Variants in RABGAP1L observed in about 807,000 individuals in gnomAD.
RABGAP1L encodes rab GTPase-activating protein 1-like.
In RABGAP1L, 63 loss-of-function variants were observed where a neutral mutation model predicts 137.7. The ratio of observed to expected loss-of-function variants is 0.46; its 90% CI spans 0.37 to 0.56. The LOEUF is 0.56. RABGAP1L is among the 20% of genes least tolerant of loss of function. The probability of loss-of-function intolerance (pLI) is 0.00; values close to 1 mark genes in which losing one functional copy is unlikely to be tolerated. For synonymous variants in RABGAP1L, 431 were observed against 433.7 expected (o/e 0.99, Z 0.08); for missense variants, 1,095 against 1,244.0 (o/e 0.88, Z 1.80).
intron 13 of RABGAP1L, among the ~76,000 whole-genome samples, chr1:174,555,993 C>CTTTT (rs367653521): frequency 6.1e-5 from 7 of 115,466 alleles, no homozygotes; most frequent in Non-Finnish European, 9.0e-5. Context: ...GTTCGTTTGC[C>CTTTT]TTTTTTTTTT....
Position 174,278,759 on chromosome 1 carries a change from T to G in RABGAP1L, c.1303T>G (p.Phe435Val). Residue 435 changes from phenylalanine to valine, a missense_variant, in exon 10 of 26, where the codon TTC (phenylalanine) becomes GTC (valine). Physicochemically the swap from Phe to Val is conservative, Grantham distance 50. Transcript: ENST00000681986. Reference sequence around the variant, plus strand: ...CAGCAGAAAGACTTTCACAGAGACTTTCTTCATGAGATTGAAACAGGTAGG... The same window carrying G: ...CAGCAGAAAGACTTTCACAGAGACTGTCTTCATGAGATTGAAACAGGTAGG... The part of the protein sequence containing the change: ...YFSRKTFTET[F>V]FMRLKQSEGK... 1 of 1,573,468 alleles carries G rather than the reference T, an allele frequency of 6.4e-7. No individual in the cohort carries two copies. The highest frequency in any genetic ancestry group is 8.6e-7 in the Non-Finnish European group (1 of 1,165,562).
intron 10 of RABGAP1L, among the ~76,000 whole-genome samples, chr1:174,284,118 G>A (rs1675833605): frequency 6.6e-6 from 1 of 152,140 alleles, no homozygotes; most frequent in Admixed American, 6.5e-5. Context: ...TTGTGTGTGT[G>A]TAGAACACTT....
intron 13 of RABGAP1L, among the ~76,000 whole-genome samples, chr1:174,500,080 C>CTTTTT (rs1314254264): frequency 1.5e-5 from 2 of 135,576 alleles, no homozygotes; most frequent in African/African-American, 5.4e-5. Flanking sequence ...CAGGCTTCTT[C>CTTTTT]TTTTTTTTTT....
chr1:174,688,294 CAA>C (rs1476577569), intron 15 of RABGAP1L, among the ~76,000 whole-genome samples: 1 of 151,946 alleles, frequency 6.6e-6, no homozygotes, highest in East Asian at 1.9e-4. Flanking sequence ...TTTATTGTTA[CAA>C]GTTTTAAATT....
At chr1:174,866,991 G>T (rs910010068) in intron 19 of RABGAP1L, among the ~76,000 whole-genome samples, 1 of 152,000 alleles carries the variant, frequency 6.6e-6, no homozygotes, top group Non-Finnish European at 1.5e-5. Flanking sequence ...TGGAAACTGA[G>T]GTGGGAGGAT....
intron 17 of RABGAP1L, among the ~76,000 whole-genome samples, chr1:174,741,855 CAAAAAAAAA>C (rs775821774): frequency 1.4e-4 from 6 of 41,898 alleles, no homozygotes; most frequent in Admixed American, 3.8e-4. Flanking sequence ...CCTATTTCTA[CAAAAAAAAA>C]AAAAAAAAAA....
chr1:174,761,424 A>G lies in RABGAP1L; in HGVS notation c.2211+9070A>G, dbSNP rs1428434270. On this transcript the variant is annotated intron_variant, in intron 18 of 25. Coordinates refer to ENST00000681986, the MANE Select transcript of RABGAP1L (RefSeq NM_001366446.1). The surrounding 1 kb of genome is among the most constrained non-coding windows in gnomAD (Gnocchi z 4.0). ...CCCAGAGGGTGGCACGGCCAGGCAG[A>G]GGCGCTCCTCAGTTTTCAGACGGTG... 3.3e-5 allele frequency among the ~76,000 whole-genome samples: 5 copies of G among 151,746 alleles called. No homozygotes were observed. The highest frequency in any genetic ancestry group is 1.2e-4 in the African/African-American group (5 of 41,264).
intron 19 of RABGAP1L, among the ~76,000 whole-genome samples, chr1:174,921,715 A>G (rs1661842762): frequency 6.6e-6 from 1 of 152,204 alleles, no homozygotes; most frequent in Non-Finnish European, 1.5e-5. Flanking sequence ...GAACTTTATC[A>G]TGTAGCATTT....
At chr1:174,427,138 A>G (rs1002821415) in intron 13 of RABGAP1L, among the ~76,000 whole-genome samples, 1 of 122,606 alleles carries the variant, frequency 8.2e-6, no homozygotes, top group Admixed American at 8.3e-5. Context: ...AAACCTCCGC[A>G]TGTTTATGTG....
intron 12 of RABGAP1L, among the ~76,000 whole-genome samples, chr1:174,383,780 G>A (rs561514712): frequency 2.6e-5 from 4 of 151,912 alleles, no homozygotes; most frequent in East Asian, 1.9e-4. Context: ...GCTGTAGACC[G>A]GAGCTGTTCC....
Position 174,732,488 on chromosome 1 carries a change from G to A in RABGAP1L, c.2170-19825G>A, listed in dbSNP as rs185056492. 2.9e-3 allele frequency among the ~76,000 whole-genome samples: 437 copies of A among 152,268 alleles called. 1 individual carries two copies. Among genetic ancestry groups the A allele is most frequent in the African/African-American group, 9.7e-3 (403 of 41,544 alleles). ...TTAGATGATTTATAAGAGTCTTGAA[G>A]ATAGTTTATAGGTGAACAAACGAAT... is the stretch of plus-strand genomic sequence containing the variant. On this transcript the variant is annotated intron_variant, in intron 17 of 25. Transcript: ENST00000681986.
chr1:174,937,863 A>AT (rs972303871), intron 19 of RABGAP1L, among the ~76,000 whole-genome samples: 1 of 144,830 alleles, frequency 6.9e-6, no homozygotes, highest in Non-Finnish European at 1.5e-5. Context: ...AGCCCAGCTA[A>AT]TTTTTTTTTC....
In RABGAP1L at chr1:174,497,400, T is replaced by A. The variant is rs747071168; in HGVS notation, c.1710+103255T>A. Among the ~76,000 whole-genome samples the A allele has an allele frequency of 1.6e-4, 24 of 152,214 alleles. 1 individual carries two copies. Among genetic ancestry groups the A allele is most frequent in the Admixed American group, 1.2e-3 (18 of 15,288 alleles). ...AAGTTAAGGAACTTCCATGTATACT[T>A]TGAAGTTCATTCTCTTAAATAAGGA... is the stretch of plus-strand genomic sequence containing the variant. On this transcript the variant is annotated intron_variant, in intron 13 of 25. Coordinates refer to ENST00000681986, the MANE Select transcript of RABGAP1L (RefSeq NM_001366446.1).
intron 19 of RABGAP1L, among the ~76,000 whole-genome samples, chr1:174,955,841 G>T (rs1668435303): frequency 6.6e-6 from 1 of 152,164 alleles, no homozygotes; most frequent in Non-Finnish European, 1.5e-5. Context: ...CAATGCTTTG[G>T]GAGGCTGAGG....
chr1:174,290,073 G>A (rs1676443982), intron 10 of RABGAP1L, among the ~76,000 whole-genome samples: 2 of 152,324 alleles, frequency 1.3e-5, no homozygotes, highest in South Asian at 2.1e-4. Context: ...GTTGCCATCT[G>A]TGCTTTGCAG....
chr1:174,835,651 A>C (rs1030977279), intron 19 of RABGAP1L, among the ~76,000 whole-genome samples: 3 of 152,158 alleles, frequency 2.0e-5, no homozygotes, highest in African/African-American at 7.2e-5. Flanking sequence ...TCTGGCTTCT[A>C]AAATTATTTT....
intron 1 of RABGAP1L, among the ~76,000 whole-genome samples, chr1:174,190,092 C>T (rs1413743071): frequency 6.6e-6 from 1 of 152,082 alleles, no homozygotes; most frequent in Non-Finnish European, 1.5e-5. Flanking sequence ...ATCATGAGGT[C>T]AGGGGATGAA....
intron 13 of RABGAP1L, among the ~76,000 whole-genome samples, chr1:174,632,940 C>T (rs1256523113): frequency 6.6e-6 from 1 of 152,148 alleles, no homozygotes; most frequent in South Asian, 2.1e-4. Flanking sequence ...TGGTGAGGAA[C>T]TGCGTTCCTT....
chr1:174,967,171 T>C (rs986802476), intron 20 of RABGAP1L, among the ~76,000 whole-genome samples: 4 of 150,864 alleles, frequency 2.7e-5, no homozygotes, highest in Middle Eastern at 3.5e-3. Context: ...TTCTTTCTTT[T>C]TTTTTTTTTT....
Sources: allele counts gnomAD v4.1 joint callset (sites outside exome capture counted in the v4.1 genomes callset), GRCh38; gene constraint gnomAD v4.1.1; non-coding constraint Gnocchi (gnomAD v3.1); transcripts MANE v1.5; gene names NCBI Gene and HGNC (gene_info 2026-07-23, HGNC 2026-07-21).